The following ATP2B2 variants were observed in gnomAD, a reference collection of about 807,000 sequenced individuals.
ATP2B2 encodes the protein plasma membrane calcium-transporting ATPase 2.
A neutral mutation model predicts 120.0 loss-of-function variants in ATP2B2; 15 were observed. That is an observed-to-expected ratio of 0.12 (90% CI 0.08 to 0.19). The LOEUF (loss-of-function observed/expected upper bound fraction) is 0.19. ATP2B2 is among the 10% of genes least tolerant of loss of function. ATP2B2 has a pLI of 1.00. For missense variants in ATP2B2, 1,045 were observed against 1,719.8 expected (o/e 0.61, Z 6.94); for synonymous variants, 694 against 700.3 (o/e 0.99, Z 0.14).
At chr3:10,445,307 A>C (rs1175911362) in intron 2 of ATP2B2, among the ~76,000 whole-genome samples, 1 of 148,108 alleles carries the variant, frequency 6.8e-6, no homozygotes, top group African/African-American at 2.7e-5. Flanking sequence ...GAACTCTCGC[A>C]GTGTCCCTTG....
At chr3:10,348,611 C>T (rs576557858) in intron 16 of ATP2B2, among the ~76,000 whole-genome samples, 2 of 152,346 alleles carry the variant, frequency 1.3e-5, no homozygotes, top group East Asian at 3.9e-4. Context: ...CTTTGCAGAG[C>T]AGTTCCCTGC....
chr3:10,675,773 A>G (rs2071225591), intron 1 of ATP2B2, among the ~76,000 whole-genome samples: 1 of 152,014 alleles, frequency 6.6e-6, no homozygotes. Context: ...GGCAGGGGAC[A>G]CTCCAGCCAC....
At chr3:10,333,709 G>A (rs1367986640) in intron 22 of ATP2B2, among the ~76,000 whole-genome samples, 1 of 152,182 alleles carries the variant, frequency 6.6e-6, no homozygotes, top group Admixed American at 6.5e-5. Flanking sequence ...TCACAGAGGG[G>A]GAATGCGAGA....
rs572573150 is a variant in ATP2B2, at chr3:10,371,692, A to G, written c.1659+117T>C. Reference sequence around the variant, plus strand: ...AACATGTTGCTTACTATCTGACCATACCAAAATATATTAGCAGGATTTGAG... The same window carrying G: ...AACATGTTGCTTACTATCTGACCATGCCAAAATATATTAGCAGGATTTGAG... On this transcript the variant is annotated intron_variant, in intron 12 of 22. Coordinates refer to ENST00000360273, the MANE Select transcript of ATP2B2 (RefSeq NM_001001331.4). 2.4e-5 allele frequency: 36 copies of G among 1,505,490 alleles called. No individual in the cohort carries two copies. The African/African-American group carries it at 4.1e-4, about 17-fold the overall frequency. The allele number at this position is 1,505,490 out of a possible 1,614,324, so 93.3% of individuals were successfully genotyped here. A position where few individuals can be genotyped will look rare whatever the true frequency, so the allele number is the denominator to read the frequency against.
chr3:10,420,732 G>A, intron 2 of ATP2B2, among the ~76,000 whole-genome samples: 1 of 152,318 alleles, frequency 6.6e-6, no homozygotes, highest in Non-Finnish European at 1.5e-5. Flanking sequence ...AAACGAGGTC[G>A]CATCTGGGCA....
chr3:10,402,134 A>G lies in ATP2B2; in HGVS notation c.612T>C (p.Pro204=), dbSNP rs1025899101. 3 of 1,614,068 alleles carry G rather than the reference A, an allele frequency of 1.9e-6. No homozygotes were observed. The African/African-American group carries it at 4.0e-5, about 22-fold the overall frequency. The change falls in exon 4 of 23, where the codon CCT becomes CCC. Residue 204 remains proline (P), a synonymous_variant. Coordinates refer to ENST00000360273, the MANE Select transcript of ATP2B2 (RefSeq NM_001001331.4). This position sits in a 1 kb window ranked among gnomAD's most constrained non-coding sequence, Gnocchi z 4.9. ...VVRAGQVVQI[P]VAEIVVGDIA... is the part of the protein sequence containing the mutation. ...TGTCCCCAACCACGATCTCAGCCAC[A>G]GGGATCTGGACCACCTGGCCAGCCC...
chr3:10,521,190 C>T (rs2066978550), intron 3 of ATP2B2, among the ~76,000 whole-genome samples: 1 of 152,226 alleles, frequency 6.6e-6, no homozygotes, highest in South Asian at 2.1e-4. Context: ...GTGTGACCCA[C>T]CTTAGTGGGT....
chr3:10,544,729 C>T lies in ATP2B2; in HGVS notation c.-414-10596G>A, dbSNP rs73121348. ...AGCCCCAGATCACTGACCTTGGCAG[C>T]TAAGCCTGAGTTAAGTGCTCTGCAG... On this transcript the variant is annotated intron_variant, in intron 2 of 21. Coordinates refer to the ATP2B2 transcript ENST00000646379. Among the ~76,000 whole-genome samples the T allele has an allele frequency of 5.4e-3, 827 of 152,334 alleles. 5 individuals carry two copies. Among genetic ancestry groups the T allele is most frequent in the African/African-American group, 0.019 (795 of 41,584 alleles).
chr3:10,408,233 C>T (rs1273598474), intron 3 of ATP2B2, among the ~76,000 whole-genome samples: 1 of 152,212 alleles, frequency 6.6e-6, no homozygotes, highest in Non-Finnish European at 1.5e-5. Flanking sequence ...AGCTGGGCCC[C>T]AGTCTCTGGA....
At chr3:10,436,150 G>T (rs968074977) in intron 2 of ATP2B2, among the ~76,000 whole-genome samples, 3 of 152,164 alleles carry the variant, frequency 2.0e-5, no homozygotes, top group Non-Finnish European at 4.4e-5. Flanking sequence ...AGAGCTGATG[G>T]CTAAAATTTC....
In ATP2B2 at chr3:10,340,831, G is replaced by C. The variant is rs575384826; in HGVS notation, c.2918-127C>G. On this transcript the variant is annotated intron_variant, in intron 19 of 22. Coordinates refer to ENST00000360273, the MANE Select transcript of ATP2B2 (RefSeq NM_001001331.4). The surrounding 1 kb of genome is among the most constrained non-coding windows in gnomAD (Gnocchi z 5.0). ...ATCCCCAAGACATCAAGGCATGCTT[G>C]GACAGTGGGGGGCCAGGGCTGTGCT... The C allele has an allele frequency of 1.5e-3, 1,397 of 922,220 alleles. 3 individuals are homozygous for C. Among genetic ancestry groups the C allele is most frequent in the Non-Finnish European group, 2.2e-3 (1,293 of 581,432 alleles). 57.1% of individuals were successfully genotyped at this position (922,220 alleles called of 1,614,324 possible).
At chr3:10,622,963 G>C (rs764502579) in intron 1 of ATP2B2, among the ~76,000 whole-genome samples, 4 of 152,094 alleles carry the variant, frequency 2.6e-5, no homozygotes, top group Admixed American at 6.5e-5. Context: ...ATAAAATGGG[G>C]GTAGAAACAA....
chr3:10,414,417 G>A (rs678536), intron 2 of ATP2B2, among the ~76,000 whole-genome samples: 63,647 of 151,870 alleles, frequency 0.42, 14,920 homozygotes, highest in East Asian at 0.71. Context: ...GAATAGGTGT[G>A]GGGGTTGGGT....
chr3:10,505,173 C>T (rs934034950), intron 1 of ATP2B2, among the ~76,000 whole-genome samples: 16 of 152,080 alleles, frequency 1.1e-4, no homozygotes, highest in Non-Finnish European at 2.1e-4. Context: ...CCTGGGCATC[C>T]GCTTGTCCGA....
At chr3:10,554,178 T>G (rs1248681439) in intron 2 of ATP2B2, among the ~76,000 whole-genome samples, 1 of 152,022 alleles carries the variant, frequency 6.6e-6, no homozygotes, top group Non-Finnish European at 1.5e-5. Flanking sequence ...TGAACACTCA[T>G]CCTCTCACTT....
chr3:10,353,170 G>A (rs1293991305), intron 14 of ATP2B2, among the ~76,000 whole-genome samples: 1 of 152,230 alleles, frequency 6.6e-6, no homozygotes, highest in Non-Finnish European at 1.5e-5. Flanking sequence ...CAGGGTCTTT[G>A]GCACAGGTCT....
chr3:10,329,248 C>T lies in ATP2B2; in HGVS notation c.3421-123G>A. 1.0e-6 allele frequency: 1 copy of T among 975,474 alleles called. No homozygotes were observed. The highest frequency in any genetic ancestry group is 1.6e-6 in the Non-Finnish European group (1 of 620,398). 60.4% of individuals were successfully genotyped at this position (975,474 alleles called of 1,614,324 possible). On this transcript the variant is annotated intron_variant, in intron 22 of 22. Transcript: ENST00000360273. This position sits in a 1 kb window ranked among gnomAD's most constrained non-coding sequence, Gnocchi z 5.9. ...AGCAGGTGGCTGGAATCCATAGTCG[C>T]TGGGTGTTATTAGCATTGACAGGAT...
chr3:10,395,565 A>T (rs1687802277), intron 5 of ATP2B2, among the ~76,000 whole-genome samples: 1 of 152,250 alleles, frequency 6.6e-6, no homozygotes, highest in Non-Finnish European at 1.5e-5. Flanking sequence ...CAACAGCCGA[A>T]TCAGAGTGAA....
intron 1 of ATP2B2, among the ~76,000 whole-genome samples, chr3:10,632,401 A>G (rs1331879634): frequency 6.6e-6 from 1 of 152,046 alleles, no homozygotes; most frequent in Non-Finnish European, 1.5e-5. Context: ...GGGGCAGGCC[A>G]GTATCCTCTA....
Sources: allele counts gnomAD v4.1 joint callset (sites outside exome capture counted in the v4.1 genomes callset), GRCh38; gene constraint gnomAD v4.1.1; non-coding constraint Gnocchi (gnomAD v3.1); transcripts MANE v1.5; gene names NCBI Gene and HGNC (gene_info 2026-07-23, HGNC 2026-07-21).